Variants in DPRX observed in about 807,000 individuals in gnomAD.
DPRX encodes the protein divergent paired-related homeobox.
A neutral mutation model predicts 8.4 loss-of-function variants in DPRX; 11 were observed. The observed-to-expected ratio is 1.31, with a 90% CI of 0.82 to 2.17. DPRX has a LOEUF of 2.17. DPRX is among the 30% of genes most tolerant of loss of function. The probability of loss-of-function intolerance (pLI) is 0.00; values close to 1 mark genes in which losing one functional copy is unlikely to be tolerated. For missense variants in DPRX, 211 were observed against 236.7 expected (o/e 0.89, Z 0.71); for synonymous variants, 72 against 87.0 (o/e 0.83, Z 0.96).
At position 53,634,560 on chromosome 19, in the gene DPRX, C is replaced by T. The variant is rs774210071; in HGVS notation, c.58C>T (p.Arg20Ter). 1.7e-5 allele frequency: 28 copies of T among 1,613,698 alleles called. No individual in the cohort carries two copies. Among genetic ancestry groups the T allele is most frequent in the South Asian group, 5.5e-5 (5 of 91,062 alleles). ...GGACCAGATGCATTCACACAGGAAA[C>T]GAACCATGTTCACTAAGAAGCAACT... The change falls in exon 2 of 3, where the codon CGA (arginine) becomes TGA (stop). Residue 20 changes from arginine (R) to a stop codon, truncating the protein, a stop_gained. Transcript: ENST00000376650. LOFTEE classifies it high-confidence loss of function.
intron 1 of DPRX, 103 bp from the exon 2 acceptor site, chr19:53,634,428 T>C: frequency 7.0e-7 from 1 of 1,427,046 alleles, no homozygotes; most frequent in South Asian, 1.4e-5. Context: ...CTCAGTCACT[T>C]GATCATCACG....
chr19:53,609,966 C>G, the DPRX span, among the ~76,000 whole-genome samples: 1 of 151,592 alleles, frequency 6.6e-6, no homozygotes, highest in Non-Finnish European at 1.5e-5. Flanking sequence ...GCCTGGGCAA[C>G]AGAGCAAGAC....
chr19:53,620,566 T>C, the DPRX span, among the ~76,000 whole-genome samples: 2,444 of 152,030 alleles, frequency 0.016, 66 homozygotes, highest in African/African-American at 0.055. Context: ...GGTTTCACCA[T>C]GTTGGTCAGG....
the DPRX span, among the ~76,000 whole-genome samples, chr19:53,623,974 AAAT>A: frequency 0.49 from 73,834 of 151,004 alleles, 18,368 homozygotes; most frequent in Non-Finnish European, 0.52. Context: ...ATAAATAAAT[AAAT>A]AATAACCATT....
the DPRX span, among the ~76,000 whole-genome samples, chr19:53,607,700 A>AC: frequency 2.7e-5 from 4 of 150,032 alleles, no homozygotes; most frequent in Admixed American, 2.0e-4. Context: ...AAAAAAAAAA[A>AC]AAAACCAAAT....
At chr19:53,611,560 T>A in the DPRX span, among the ~76,000 whole-genome samples, 1 of 152,056 alleles carries the variant, frequency 6.6e-6, no homozygotes, top group Non-Finnish European at 1.5e-5. Flanking sequence ...AATAAGGAGA[T>A]GATTGCGGTA....
intron 1 of DPRX, among the ~76,000 whole-genome samples, chr19:53,634,113 G>A (rs939506878): frequency 6.6e-6 from 1 of 152,104 alleles, no homozygotes; most frequent in Non-Finnish European, 1.5e-5. Flanking sequence ...CACGACCCCG[G>A]CCAGCAGTGT....
At chr19:53,614,051 A>G in the DPRX span, among the ~76,000 whole-genome samples, 24 of 151,536 alleles carry the variant, frequency 1.6e-4, no homozygotes, top group African/African-American at 5.8e-4. Flanking sequence ...TCCTGGGTTC[A>G]TGCCAGTCTT....
chr19:53,623,260 CTG>C, the DPRX span, among the ~76,000 whole-genome samples: 827 of 151,152 alleles, frequency 5.5e-3, 13 homozygotes, highest in African/African-American at 0.019. Flanking sequence ...TGAGCTGAGA[CTG>C]TGCCACTGCA....
At chr19:53,623,100 T>A in the DPRX span, among the ~76,000 whole-genome samples, 1 of 146,448 alleles carries the variant, frequency 6.8e-6, no homozygotes, top group Non-Finnish European at 1.5e-5. Flanking sequence ...GGTCAGGAGA[T>A]CGAGACCATC....
At chr19:53,609,615 C>T in the DPRX span, among the ~76,000 whole-genome samples, 7 of 152,050 alleles carry the variant, frequency 4.6e-5, no homozygotes, top group East Asian at 7.7e-4. Context: ...CCTGTAATCC[C>T]AGCACTTTGA....
chr19:53,632,305 GT>G (rs2091095742), intron 1 of DPRX, among the ~76,000 whole-genome samples, 171 bp downstream of exon 1: 4 of 151,842 alleles, frequency 2.6e-5, no homozygotes, highest in South Asian at 2.1e-4. Flanking sequence ...GTTTTGTTTT[GT>G]TTTGTTTGTC....
intron 2 of DPRX, among the ~76,000 whole-genome samples, chr19:53,634,973 G>A (rs2122165765): frequency 6.6e-6 from 1 of 152,258 alleles, no homozygotes; most frequent in Non-Finnish European, 1.5e-5. Flanking sequence ...CACAGACAAC[G>A]TAAACAAGAG....
chr19:53,612,452 A>T, the DPRX span, among the ~76,000 whole-genome samples: 2 of 152,170 alleles, frequency 1.3e-5, no homozygotes, highest in African/African-American at 2.4e-5. Flanking sequence ...CACGCCTGTA[A>T]TCCCAGCTCT....
the DPRX span, among the ~76,000 whole-genome samples, chr19:53,613,299 T>C: frequency 6.6e-6 from 1 of 152,042 alleles, no homozygotes; most frequent in Non-Finnish European, 1.5e-5. Flanking sequence ...AGCTCACATA[T>C]GGGGTCCAAG....
At chr19:53,617,113 C>A in the DPRX span, 1 of 1,259,842 alleles carries the variant, frequency 7.9e-7, no homozygotes, top group Middle Eastern at 1.9e-4. Context: ...GTTTCATAAT[C>A]CTGGACCGAT....
the DPRX span, among the ~76,000 whole-genome samples, chr19:53,608,038 TG>T: frequency 6.9e-6 from 1 of 143,994 alleles, no homozygotes; most frequent in Non-Finnish European, 1.5e-5. Context: ...CCGAGCATGG[TG>T]GCAGGTACCT....
upstream of DPRX, among the ~76,000 whole-genome samples, chr19:53,627,627 C>T (rs1036575626): frequency 2.7e-5 from 4 of 150,698 alleles, no homozygotes; most frequent in Admixed American, 1.3e-4. Context: ...TTAGCAGAGA[C>T]GGGCTGTCGC....
chr19:53,633,501 T>G lies in DPRX; in HGVS notation c.29-1030T>G, dbSNP rs533061948. ...CACAAGCGATCCCTTATTTACGTATTTATTTATTTATTTATTTATTATTTT... is the reference window on the plus strand; with the variant it reads ...CACAAGCGATCCCTTATTTACGTATGTATTTATTTATTTATTTATTATTTT... On this transcript the variant is annotated intron_variant, in intron 1 of 2. Coordinates refer to ENST00000376650, the Ensembl canonical transcript of DPRX. 2.7e-5 allele frequency among the ~76,000 whole-genome samples: 4 copies of G among 150,014 alleles called. No individual in the cohort carries two copies. The East Asian group carries it at 7.8e-4, about 29-fold the overall frequency.
Sources: gnomAD v4.1 joint callset for allele counts (sites outside exome capture counted in the v4.1 genomes callset) on GRCh38, gnomAD v4.1.1 for gene constraint, MANE v1.5 for transcripts, NCBI Gene and HGNC (gene_info 2026-07-23, HGNC 2026-07-21) for gene names.